Variants in MTUS1 observed in about 807,000 individuals in gnomAD.
MTUS1 encodes the protein microtubule associated scaffold protein 1.
MTUS1 carries 109 observed loss-of-function variants against 120.8 expected under a neutral mutation model. That is an observed-to-expected ratio of 0.90 (90% CI 0.77 to 1.06). The LOEUF is 1.06. Ranked by LOEUF, MTUS1 falls within the 50% of genes least tolerant of loss-of-function variation. MTUS1 has a pLI of 0.00. For synonymous variants in MTUS1, 737 were observed against 550.5 expected, an observed-to-expected ratio of 1.34 and a Z score of -4.74; for missense variants, 2,210 against 1,486.3, an observed-to-expected ratio of 1.49 and a Z score of -8.01.
intron 3 of MTUS1, among the ~76,000 whole-genome samples, chr8:17,731,851 G>C (rs2046606819): frequency 1.3e-5 from 2 of 152,082 alleles, no homozygotes; most frequent in African/African-American, 2.4e-5. Flanking sequence ...ACCTTTCCTG[G>C]TGAGCCAACT....
chr8:17,776,873 T>C (rs1008338404), intron 1 of MTUS1, among the ~76,000 whole-genome samples: 1 of 152,080 alleles, frequency 6.6e-6, no homozygotes, highest in African/African-American at 2.4e-5. Flanking sequence ...ATATGCGTAA[T>C]ACTCCCTGGG....
intron 2 of MTUS1, among the ~76,000 whole-genome samples, chr8:17,745,948 T>G (rs1563310194): frequency 6.6e-6 from 1 of 152,204 alleles, no homozygotes; most frequent in Non-Finnish European, 1.5e-5. Flanking sequence ...CTTATGACAG[T>G]GAGTTCTTAC....
chr8:17,653,180 A>G lies in MTUS1; in HGVS notation c.3384+6T>C. ...CCATACTGATAAAGGAGCACACACAACTTACCAAATTTGCTTTTTCTCTTG... is the reference window on the plus strand; with the variant it reads ...CCATACTGATAAAGGAGCACACACAGCTTACCAAATTTGCTTTTTCTCTTG... On this transcript the variant is annotated splice_donor_region_variant and intron_variant, in intron 12 of 14. Coordinates refer to ENST00000693296, the MANE Select transcript of MTUS1 (RefSeq NM_001363059.2). The G allele has an allele frequency of 6.6e-7, 1 of 1,510,322 alleles. No individual in the cohort carries two copies. The highest frequency in any genetic ancestry group is 1.3e-5 in the South Asian group (1 of 79,212). 93.6% of individuals were successfully genotyped at this position (1,510,322 alleles called of 1,614,324 possible). A position where few individuals can be genotyped will look rare whatever the true frequency, so the allele number is the denominator to read the frequency against.
At chr8:17,774,971 T>TAAAAAAAAAAAA (rs76567642) in intron 1 of MTUS1, among the ~76,000 whole-genome samples, 1 of 96,978 alleles carries the variant, frequency 1.0e-5, no homozygotes, top group Non-Finnish European at 1.9e-5. Flanking sequence ...ATATTATAAG[T>TAAAAAAAAAAAA]AAAAAAAAAA....
intron 1 of MTUS1, among the ~76,000 whole-genome samples, chr8:17,757,921 C>T (rs770616452): frequency 6.6e-6 from 1 of 152,190 alleles, no homozygotes; most frequent in Non-Finnish European, 1.5e-5. Context: ...GCAAACAGGT[C>T]ATTGTGAATC....
At chr8:17,652,867 GTTTGT>G (rs1254203369) in intron 12 of MTUS1, among the ~76,000 whole-genome samples, 3 of 151,198 alleles carry the variant, frequency 2.0e-5, no homozygotes, top group Non-Finnish European at 2.9e-5. Flanking sequence ...GAACTTTGTA[GTTTGT>G]TTTATCTCAA....
intron 3 of MTUS1, among the ~76,000 whole-genome samples, chr8:17,726,514 C>A (rs1002579470): frequency 1.3e-5 from 2 of 152,182 alleles, no homozygotes; most frequent in African/African-American, 4.8e-5. Context: ...TCAACAAATT[C>A]ATTTTTTTAA....
chr8:17,757,766 A>G (rs2048734977), intron 1 of MTUS1, among the ~76,000 whole-genome samples: 1 of 152,136 alleles, frequency 6.6e-6, no homozygotes, highest in Non-Finnish European at 1.5e-5. Context: ...ACCTCAGGTA[A>G]TCTGCCCACC....
chr8:17,760,196 A>G (rs2048932147), intron 1 of MTUS1, among the ~76,000 whole-genome samples: 1 of 151,944 alleles, frequency 6.6e-6, no homozygotes, highest in Non-Finnish European at 1.5e-5. Flanking sequence ...AGCCTGGGTG[A>G]CAGGGACCCT....
upstream of MTUS1, among the ~76,000 whole-genome samples, chr8:17,801,098 GAGGCGGGGA>G (rs565503705): frequency 3.5e-3 from 526 of 152,148 alleles, 5 homozygotes; most frequent in African/African-American, 0.012. Flanking sequence ...CAAAGACGCA[GAGGCGGGGA>G]GGGCTGGCGC....
rs546031644 is a variant in MTUS1, at chr8:17,673,553, G to A, written c.2905+1633C>T. Among the ~76,000 whole-genome samples, 162 of 152,296 alleles carry A rather than the reference G, an allele frequency of 1.1e-3. 1 individual carries two copies. Among genetic ancestry groups the A allele is most frequent in the Middle Eastern group, 0.01 (3 of 294 alleles). ...TGCAGTCTCGAACTCCTGGGCTCAA[G>A]CAATCTTCCCACCTCACACTCCAGA... On this transcript the variant is annotated intron_variant, in intron 8 of 14. Coordinates refer to ENST00000693296, the MANE Select transcript of MTUS1 (RefSeq NM_001363059.2).
intron 1 of MTUS1, among the ~76,000 whole-genome samples, chr8:17,793,320 G>T (rs1044525855): frequency 6.6e-6 from 1 of 152,108 alleles, no homozygotes; most frequent in Non-Finnish European, 1.5e-5. Context: ...CCGTTCAGTC[G>T]GACACAAGAC....
chr8:17,788,342 TC>T (rs1458042142), intron 1 of MTUS1, among the ~76,000 whole-genome samples: 3 of 152,198 alleles, frequency 2.0e-5, no homozygotes, highest in African/African-American at 7.2e-5. Context: ...CTTATTGGAA[TC>T]TACAGATTTT....
intron 4 of MTUS1, among the ~76,000 whole-genome samples, chr8:17,720,204 G>A (rs904037567): frequency 1.6e-4 from 25 of 152,198 alleles, no homozygotes; most frequent in African/African-American, 6.0e-4. Context: ...AATTAGCCGG[G>A]CATGATGGGG....
In MTUS1 at chr8:17,754,689, C is replaced by A. The variant is rs2048463589; in HGVS notation, c.1119G>T (p.Glu373Asp). The A allele has an allele frequency of 1.2e-6, 2 of 1,614,108 alleles. No homozygotes were observed. Among genetic ancestry groups the A allele is most frequent in the African/African-American group, 1.3e-5 (1 of 74,936 alleles). ...QVLNPEHKVT[E>D]TEDTQMVSKG... ...TGGAGACCATTTGTGTGTCTTCAGT[C>A]TCAGTGACTTTATGCTCTGGGTTCA... Residue 373 changes from glutamate (E) to aspartate (D), a missense_variant, in exon 2 of 15, where the codon GAG (glutamate) becomes GAT (aspartate). Coordinates refer to ENST00000693296, the MANE Select transcript of MTUS1 (RefSeq NM_001363059.2).
chr8:17,703,968 G>A (rs1819637337), intron 6 of MTUS1: 1 of 152,060 alleles, frequency 6.6e-6, no homozygotes, highest in South Asian at 2.1e-4. Context: ...ATAAAATCTT[G>A]CTGGTTTCGC....
At chr8:17,665,299 A>G (rs996383298) in intron 8 of MTUS1, among the ~76,000 whole-genome samples, 2 of 152,218 alleles carry the variant, frequency 1.3e-5, no homozygotes, top group African/African-American at 4.8e-5. Flanking sequence ...TAAATCATAA[A>G]TTATTAGGAA....
intron 7 of MTUS1, among the ~76,000 whole-genome samples, chr8:17,682,168 G>C (rs191849055): frequency 6.6e-6 from 1 of 152,168 alleles, no homozygotes; most frequent in Non-Finnish European, 1.5e-5. Context: ...TGTCAGCAGT[G>C]CTTGGGATGG....
chr8:17,752,929 C>T (rs2048308419), intron 2 of MTUS1, among the ~76,000 whole-genome samples: 2 of 152,188 alleles, frequency 1.3e-5, no homozygotes, highest in African/African-American at 4.8e-5. Flanking sequence ...CCAATTTCTA[C>T]ACACTATTCT....
Sources: allele counts gnomAD v4.1 joint callset (sites outside exome capture counted in the v4.1 genomes callset), GRCh38; gene constraint gnomAD v4.1.1; transcripts MANE v1.5; gene names NCBI Gene and HGNC (gene_info 2026-07-23, HGNC 2026-07-21).